Variants in ZNF619 observed in about 807,000 individuals in gnomAD.
The protein encoded by ZNF619 is zinc finger protein 619.
Under a neutral mutation model 14.2 loss-of-function variants are expected in ZNF619, and 9 were observed. The observed-to-expected ratio is 0.64, with a 90% CI of 0.38 to 1.11. The LOEUF (loss-of-function observed/expected upper bound fraction) is 1.11, where lower values mean the gene tolerates loss of function less well. Among genes scored for constraint, ZNF619 ranks in the 50% least tolerant of loss-of-function variants. The pLI is 0.01. For missense variants in ZNF619, 659 were observed against 680.1 expected (o/e 0.97, Z 0.34); for synonymous variants, 246 against 252.8 (o/e 0.97, Z 0.26).
intron 3 of ZNF619, chr3:40,482,266 G>T (rs537524177): frequency 6.4e-7 from 1 of 1,551,892 alleles, no homozygotes; most frequent in Non-Finnish European, 8.7e-7. Context: ...GATACAGAGA[G>T]AACTGAGAAG....
chr3:40,477,318 T>G lies in ZNF619; in HGVS notation c.-102T>G, dbSNP rs1428898620. 3 of 153,054 alleles carry G rather than the reference T, an allele frequency of 2.0e-5. No homozygotes were observed. Among genetic ancestry groups the G allele is most frequent in the African/African-American group, 7.2e-5 (3 of 41,462 alleles). 9.5% of individuals were successfully genotyped at this position (153,054 alleles called of 1,614,324 possible). A position where few individuals can be genotyped will look rare whatever the true frequency, so the allele number is the denominator to read the frequency against. Reference sequence around the variant, plus strand: ...CCAGTCTTCAGAGACGCCCTCGACCTTCCTGCTCCGAGGAGCTGGCCTGAT... The same window carrying G: ...CCAGTCTTCAGAGACGCCCTCGACCGTCCTGCTCCGAGGAGCTGGCCTGAT... On this transcript the variant is annotated 5_prime_UTR_variant, in exon 1 of 5. Transcript: ENST00000432264.
intron 2 of ZNF619, among the ~76,000 whole-genome samples, 165 bp downstream of exon 2, chr3:40,478,168 T>A (rs1309104490): frequency 1.3e-5 from 2 of 152,118 alleles, no homozygotes; most frequent in Non-Finnish European, 1.5e-5. Flanking sequence ...TAGGTGAATT[T>A]GGGAGAGTCA....
At position 40,483,682 on chromosome 3, in the gene ZNF619, G is replaced by C. The variant is rs1218711350; in HGVS notation, c.295+978G>C. The C allele has an allele frequency of 6.7e-6, 3 of 449,588 alleles. 1 individual carries two copies. In the Admixed American group the frequency reaches 7.1e-5, roughly 11 times the overall value. 27.8% of individuals were successfully genotyped at this position (449,588 alleles called of 1,614,324 possible). A position where few individuals can be genotyped will look rare whatever the true frequency, so the allele number is the denominator to read the frequency against. ...TCACTTTTGTTGCCCAGGCTGGAGT[G>C]CAATGGCGTGATCTTCACTCACCGC... On this transcript the variant is annotated intron_variant, in intron 4 of 4. Coordinates refer to ENST00000432264, the MANE Select transcript of ZNF619 (RefSeq NM_001145093.4).
chr3:40,488,203 T>C lies in ZNF619; in HGVS notation c.1693T>C (p.Ser565Pro). ...GGATCTCGCTTTTCCTGGGAAGTCA[T>C]CCCTTCAGAGCCCGAATCCTTTGTC... ...FQDLAFPGKS[S>P]LQSPNPLSHS... Residue 565 changes from serine to proline, a missense_variant, in exon 5 of 5, where the codon TCC becomes CCC. Physicochemically the swap from Ser to Pro is moderately conservative, Grantham distance 74 (BLOSUM62 -1). Coordinates refer to ENST00000432264, the MANE Select transcript of ZNF619 (RefSeq NM_001145093.4). 6.2e-7 allele frequency: 1 copy of C among 1,606,182 alleles called. No homozygotes were observed.
rs1697682200 is a variant in ZNF619, at chr3:40,488,002, T to C, written c.1492T>C (p.Cys498Arg). ...ATCCGCAGTTAAGCCCTACTGTCCC[T>C]GCGCCATCCTCTCTCCTCTGCCTCC... ...GLSAVKPYCP[C>R]AILSPLPPQH... is the part of the protein sequence containing the mutation. Residue 498 changes from cysteine to arginine, a missense_variant, in exon 5 of 5, where the codon TGC becomes CGC. Coordinates refer to ENST00000432264, the MANE Select transcript of ZNF619 (RefSeq NM_001145093.4). 2 of 1,614,030 alleles carry C rather than the reference T, an allele frequency of 1.2e-6. No individual in the cohort carries two copies. The highest frequency in any genetic ancestry group is 3.3e-5 in the Admixed American group (2 of 60,008).
chr3:40,483,705 C>G (rs1434044391), intron 4 of ZNF619: 2 of 442,294 alleles, frequency 4.5e-6, no homozygotes, highest in Non-Finnish European at 9.1e-6. Flanking sequence ...CTTCACTCAC[C>G]GCAACCTCTG....
At chr3:40,482,062 C>T in intron 3 of ZNF619, 46 bp downstream of exon 3, 1 of 1,561,826 alleles carries the variant, frequency 6.4e-7, no homozygotes, top group Non-Finnish European at 8.6e-7. Context: ...CCCTTGGGAG[C>T]TCCTAGATTC....
At position 40,487,468 on chromosome 3, in the gene ZNF619, G is replaced by A. The variant is rs1697642515; in HGVS notation, c.958G>A (p.Glu320Lys). The A allele has an allele frequency of 6.2e-7, 1 of 1,614,072 alleles. No homozygotes were observed. The highest frequency in any genetic ancestry group is 1.3e-5 in the African/African-American group (1 of 74,920). The part of the protein sequence containing the change: ...HTGEKPFKCK[E>K]CGKAFSCSYD... ...TGGGGAGAAGCCCTTTAAATGTAAG[G>A]AATGTGGGAAAGCCTTCAGTTGTAG... Residue 320 changes from glutamate (E) to lysine (K), a missense_variant, in exon 5 of 5, where the codon GAA becomes AAA. By Grantham distance (56) the Glu-to-Lys change is moderately conservative (BLOSUM62 1). Coordinates refer to ENST00000432264, the MANE Select transcript of ZNF619 (RefSeq NM_001145093.4).
At chr3:40,481,589 C>T (rs138990866) in intron 2 of ZNF619, among the ~76,000 whole-genome samples, 1 of 152,202 alleles carries the variant, frequency 6.6e-6, no homozygotes, top group East Asian at 1.9e-4. Context: ...AGAAAGCATG[C>T]CAGAAAAATA....
chr3:40,487,999 C>G lies in ZNF619; in HGVS notation c.1489C>G (p.Pro497Ala). The G allele has an allele frequency of 6.2e-7, 1 of 1,614,194 alleles. No homozygotes were observed. The highest frequency in any genetic ancestry group is 1.1e-5 in the South Asian group (1 of 91,076). ...TGLSAVKPYC[P>A]CAILSPLPPQ... is the part of the protein sequence containing the mutation. ...GCTATCCGCAGTTAAGCCCTACTGTCCCTGCGCCATCCTCTCTCCTCTGCC... is the reference window on the plus strand; with the variant it reads ...GCTATCCGCAGTTAAGCCCTACTGTGCCTGCGCCATCCTCTCTCCTCTGCC... Residue 497 changes from proline to alanine, a missense_variant, in exon 5 of 5, where the codon CCC (proline) becomes GCC (alanine). Transcript: ENST00000432264.
In ZNF619 at chr3:40,487,745, G is replaced by T. The variant is rs756876918; in HGVS notation, c.1235G>T (p.Ser412Ile). 14 of 1,613,974 alleles carry T rather than the reference G, an allele frequency of 8.7e-6. 1 individual carries two copies. In the South Asian group the frequency reaches 1.5e-4, roughly 18 times the overall value. The change falls in exon 5 of 5, where the codon AGC becomes ATC. Residue 412 changes from serine (S) to isoleucine (I), a missense_variant. Transcript: ENST00000432264. ...CNECWKTFSC[S>I]SRFIVHQRIH... ...GAATGTTGGAAAACTTTCAGCTGTA[G>T]CTCCCGCTTCATAGTGCATCAGAGA... is the stretch of plus-strand genomic sequence containing the variant.
At position 40,490,377 on chromosome 3, in the gene ZNF619, A is replaced by G. The variant is rs1166615997; in HGVS notation, c.*2136A>G. Reference sequence around the variant, plus strand: ...AACTGAGTAATGGGTAGAGGCTTGAAAAATCTGGAAGATCAGGTCAGACAA... The same window carrying G: ...AACTGAGTAATGGGTAGAGGCTTGAGAAATCTGGAAGATCAGGTCAGACAA... On this transcript the variant is annotated 3_prime_UTR_variant, in exon 5 of 5. Transcript: ENST00000432264. 2 of 152,282 alleles carry G rather than the reference A, an allele frequency of 1.3e-5. No homozygotes were observed. Among genetic ancestry groups the G allele is most frequent in the Non-Finnish European group, 2.9e-5 (2 of 68,078 alleles). 9.4% of individuals were successfully genotyped at this position (152,282 alleles called of 1,614,324 possible). A position where few individuals can be genotyped will look rare whatever the true frequency, so the allele number is the denominator to read the frequency against.
chr3:40,486,017 G>A (rs1182236148), intron 4 of ZNF619, among the ~76,000 whole-genome samples: 1 of 152,138 alleles, frequency 6.6e-6, no homozygotes, highest in East Asian at 1.9e-4. Flanking sequence ...GAACTAGAGA[G>A]CATTTCTTTA....
chr3:40,477,993 T>A lies in ZNF619; in HGVS notation c.14T>A (p.Val5Glu), dbSNP rs1697252038. Residue 5 changes from valine (V) to glutamate (E), a missense_variant, in exon 2 of 5, where the codon GTG becomes GAG. Physicochemically the swap from Val to Glu is moderately radical, Grantham distance 121. Coordinates refer to ENST00000432264, the MANE Select transcript of ZNF619 (RefSeq NM_001145093.4). ...GGGTCATCAGCCATGCTCCAGACAG[T>A]GTGGTTCCAGGTGAGCAGAGCTTTC... MLQTVWFQGLGRNLL... is the reference protein window; with the variant it reads MLQTEWFQGLGRNLL... 1.3e-6 allele frequency: 2 copies of A among 1,554,114 alleles called. No individual in the cohort carries two copies. Among genetic ancestry groups the A allele is most frequent in the Non-Finnish European group, 1.7e-6 (2 of 1,147,988 alleles).
chr3:40,483,300 T>C (rs1697468506), intron 4 of ZNF619, among the ~76,000 whole-genome samples: 1 of 152,082 alleles, frequency 6.6e-6, no homozygotes, highest in African/African-American at 2.4e-5. Flanking sequence ...TGGTTTTTTT[T>C]TTTTTTTTGA....
At position 40,487,723 on chromosome 3, in the gene ZNF619, T is replaced by C. The variant is rs376630719; in HGVS notation, c.1213T>C (p.Cys405Arg). 6.2e-6 allele frequency: 10 copies of C among 1,614,126 alleles called. No homozygotes were observed. In the African/African-American group the frequency reaches 1.3e-4, roughly 22 times the overall value. ...TGEQLYKCNECWKTFSCSSRF... is the reference protein window; with the variant it reads ...TGEQLYKCNERWKTFSCSSRF... ...GGAACAACTCTACAAATGTAATGAA[T>C]GTTGGAAAACTTTCAGCTGTAGCTC... Residue 405 changes from cysteine (C) to arginine (R), a missense_variant, in exon 5 of 5, where the codon TGT becomes CGT. Cys to Arg is a radical substitution (Grantham distance 180). Coordinates refer to ENST00000432264, the MANE Select transcript of ZNF619 (RefSeq NM_001145093.4).
rs775691403 is a variant in ZNF619 at position 40,487,861 on chromosome 3, A to C, written c.1351A>C (p.Thr451Pro). 2.5e-6 allele frequency: 4 copies of C among 1,614,220 alleles called. No individual in the cohort carries two copies. The East Asian group carries it at 8.9e-5, about 36-fold the overall frequency. Residue 451 changes from threonine to proline, a missense_variant, in exon 5 of 5, where the codon ACT (threonine) becomes CCT (proline). Physicochemically the swap from Thr to Pro is conservative, Grantham distance 38. Coordinates refer to ENST00000432264, the MANE Select transcript of ZNF619 (RefSeq NM_001145093.4). ...TCTGGTTCAGCATCAGCGAGTTCAC[A>C]CTGGGGAGAAACCTTATGAGTGTAA... Reference protein sequence around the residue: ...ITLVQHQRVHTGEKPYECKEC... With the variant: ...ITLVQHQRVHPGEKPYECKEC...
chr3:40,478,060 C>T, intron 2 of ZNF619, 57 bp downstream of exon 2: 6 of 1,504,564 alleles, frequency 4.0e-6, no homozygotes, highest in Non-Finnish European at 5.4e-6. Context: ...AAGGTCAGTA[C>T]AGCCCCAGTA....
chr3:40,485,564 A>G (rs763891023), intron 4 of ZNF619, among the ~76,000 whole-genome samples: 2 of 152,052 alleles, frequency 1.3e-5, no homozygotes, highest in Admixed American at 6.5e-5. Flanking sequence ...CGGCCTCCCA[A>G]AGTGCTGGGA....
Sources: allele counts gnomAD v4.1 joint callset (sites outside exome capture counted in the v4.1 genomes callset), GRCh38; gene constraint gnomAD v4.1.1; transcripts MANE v1.5; gene names NCBI Gene and HGNC (gene_info 2026-07-23, HGNC 2026-07-21).